Variants in STK38L observed in about 807,000 individuals in gnomAD.
STK38L encodes the protein serine/threonine-protein kinase 38-like.
Under a neutral mutation model 59.7 loss-of-function variants are expected in STK38L, and 28 were observed. The observed-to-expected ratio is 0.47, with a 90% confidence interval of 0.35 to 0.64. The LOEUF is 0.64. Among genes scored for constraint, STK38L ranks in the 30% least tolerant of loss-of-function variants. STK38L has a pLI of 0.01. For synonymous variants in STK38L, 162 were observed against 176.8 expected (o/e 0.92, Z 0.66); for missense variants, 314 against 555.8 (o/e 0.56, Z 4.37).
intron 1 of STK38L, among the ~76,000 whole-genome samples, chr12:27,263,032 C>G (rs1943234311): frequency 6.6e-6 from 1 of 151,958 alleles, no homozygotes; most frequent in African/African-American, 2.4e-5. Context: ...CTCAGGTGAC[C>G]CACCCACCTG....
Position 27,266,453 on chromosome 12 carries a change from A to T in STK38L, c.-12+22121A>T, listed in dbSNP as rs535005118. 2.6e-5 allele frequency among the ~76,000 whole-genome samples: 4 copies of T among 152,232 alleles called. No individual in the cohort carries two copies. The East Asian group carries it at 7.7e-4, about 29-fold the overall frequency. ...GAACTTTACTTAAGTAACATCTAAG[A>T]CCCTCTCCCTGTCAGTCCGCCATTA... On this transcript the variant is annotated intron_variant, in intron 1 of 13. Coordinates refer to ENST00000389032, the MANE Select transcript of STK38L (RefSeq NM_015000.4).
In STK38L at chr12:27,322,144, G is replaced by A. The variant is rs1235703958; in HGVS notation, c.1177G>A (p.Glu393Lys). The change falls in exon 13 of 14, where the codon GAA (glutamate) becomes AAA (lysine). Residue 393 changes from glutamate (E) to lysine (K), a missense_variant and splice_region_variant. This residue lies in a region of STK38L where 94 missense variants were observed against 142.2 expected (regional missense o/e 0.66). Coordinates refer to ENST00000389032, the MANE Select transcript of STK38L (RefSeq NM_015000.4). ...TGCATACTTAATACCTTTTTATAGG[G>A]AAAGGCCAGCAGCAATCCCTATAGA... is the stretch of plus-strand genomic sequence containing the variant. ...FEGVDWEHIR[E>K]RPAAIPIEIK... 6.2e-7 allele frequency: 1 copy of A among 1,611,678 alleles called. No individual in the cohort carries two copies. Among genetic ancestry groups the A allele is most frequent in the Admixed American group, 1.7e-5 (1 of 59,648 alleles).
chr12:27,250,860 G>C (rs190860887), intron 1 of STK38L, among the ~76,000 whole-genome samples: 1 of 151,936 alleles, frequency 6.6e-6, no homozygotes, highest in Non-Finnish European at 1.5e-5. Context: ...ATAGCCGGGC[G>C]TGGTGGCGGG....
intron 1 of STK38L, among the ~76,000 whole-genome samples, chr12:27,273,767 A>G (rs900248458): frequency 6.6e-6 from 1 of 152,244 alleles, no homozygotes; most frequent in Non-Finnish European, 1.5e-5. Context: ...ATTTCAGAAT[A>G]ATAGTCATTA....
At chr12:27,291,614 C>T (rs1399189617) in intron 1 of STK38L, among the ~76,000 whole-genome samples, 1 of 152,176 alleles carries the variant, frequency 6.6e-6, no homozygotes, top group Admixed American at 6.5e-5. Flanking sequence ...GGATTTGAAA[C>T]TTCACCTATG....
intron 7 of STK38L, among the ~76,000 whole-genome samples, 163 bp from the exon 8 acceptor site, chr12:27,314,852 C>T (rs756222280): frequency 3.9e-5 from 6 of 152,140 alleles, no homozygotes; most frequent in Non-Finnish European, 7.4e-5. Context: ...CCTCCATTTT[C>T]TACTTTTAAA....
chr12:27,275,115 C>T (rs1943505220), intron 1 of STK38L, among the ~76,000 whole-genome samples: 1 of 152,096 alleles, frequency 6.6e-6, no homozygotes, highest in Non-Finnish European at 1.5e-5. Context: ...ATCCAAATTC[C>T]ATGGCATCAC....
chr12:27,287,273 T>C (rs2136630943), intron 1 of STK38L, among the ~76,000 whole-genome samples: 1 of 151,682 alleles, frequency 6.6e-6, no homozygotes, highest in South Asian at 2.1e-4. Context: ...CCTGGCTAAT[T>C]TTTTTTGTAT....
intron 1 of STK38L, among the ~76,000 whole-genome samples, chr12:27,268,754 A>G (rs528968772): frequency 0.029 from 4,391 of 152,188 alleles, 104 homozygotes; most frequent in Non-Finnish European, 0.046. Context: ...AAGTGTTCCT[A>G]TTTCTCAACA....
chr12:27,309,062 T>C, intron 4 of STK38L, 52 bp from the exon 5 acceptor site: 1 of 1,339,804 alleles, frequency 7.5e-7, no homozygotes, highest in Non-Finnish European at 9.7e-7. Context: ...TACTTTTCTT[T>C]CCTGAACAAA....
At chr12:27,296,155 A>G (rs1379217130) in intron 1 of STK38L, among the ~76,000 whole-genome samples, 1 of 152,200 alleles carries the variant, frequency 6.6e-6, no homozygotes, top group Non-Finnish European at 1.5e-5. Flanking sequence ...TCAGGAGAAA[A>G]AAAGGGGGAA....
chr12:27,248,770 A>T (rs527690643), intron 1 of STK38L, among the ~76,000 whole-genome samples: 1 of 152,394 alleles, frequency 6.6e-6, no homozygotes, highest in African/African-American at 2.4e-5. Context: ...CCTAATGGGA[A>T]GAGTAGCAGA....
chr12:27,319,409 C>T lies in STK38L; in HGVS notation c.1161C>T (p.Asp387=). ...IKGHPFFEGV[D]WEHIRERPAA... is the part of the protein sequence containing the mutation. ...GTCATCCCTTTTTTGAAGGTGTCGACTGGGAGCACATAAGGTATGTTCCTA... is the reference window on the plus strand; with the variant it reads ...GTCATCCCTTTTTTGAAGGTGTCGATTGGGAGCACATAAGGTATGTTCCTA... The change falls in exon 12 of 14, where the codon GAC becomes GAT. Residue 387 remains aspartate, a synonymous_variant. Transcript: ENST00000389032. 6.2e-7 allele frequency: 1 copy of T among 1,612,780 alleles called. No individual in the cohort carries two copies.
chr12:27,253,801 G>T (rs550669838), intron 1 of STK38L, among the ~76,000 whole-genome samples: 89 of 152,264 alleles, frequency 5.8e-4, no homozygotes, highest in African/African-American at 2.1e-3. Flanking sequence ...CATATTAGGG[G>T]GCCACAGGAA....
intron 1 of STK38L, among the ~76,000 whole-genome samples, chr12:27,249,579 C>A (rs543080407): frequency 6.6e-6 from 1 of 152,252 alleles, no homozygotes; most frequent in East Asian, 1.9e-4. Context: ...CTCAGGTGAT[C>A]CGCCCGCCTC....
At chr12:27,312,808 A>G (rs1944487038) in intron 6 of STK38L, 136 bp downstream of exon 6, 1 of 1,038,462 alleles carries the variant, frequency 9.6e-7, no homozygotes, top group Admixed American at 2.8e-5. Context: ...AATATTTACT[A>G]CCATATTGAT....
intron 1 of STK38L, among the ~76,000 whole-genome samples, chr12:27,250,818 GCC>G (rs1942956271): frequency 1.3e-5 from 2 of 151,824 alleles, no homozygotes; most frequent in Admixed American, 1.3e-4. Flanking sequence ...GGCTAACATG[GCC>G]AAACCTCGTC....
chr12:27,291,802 T>C (rs1028590139), intron 1 of STK38L, among the ~76,000 whole-genome samples: 2 of 152,202 alleles, frequency 1.3e-5, no homozygotes, highest in African/African-American at 4.8e-5. Context: ...TATAGTAGCA[T>C]TAAGGACACT....
chr12:27,245,976 T>TA (rs1942842419), intron 1 of STK38L, among the ~76,000 whole-genome samples: 1 of 152,166 alleles, frequency 6.6e-6, no homozygotes, highest in Admixed American at 6.5e-5. Flanking sequence ...ATGAAAAAAT[T>TA]AGACTTAGAA....
Sources: gnomAD v4.1 joint callset for allele counts (sites outside exome capture counted in the v4.1 genomes callset) on GRCh38, gnomAD v4.1.1 for gene constraint, gnomAD v4.1.1 regional missense constraint, MANE v1.5 for transcripts, NCBI Gene and HGNC (gene_info 2026-07-23, HGNC 2026-07-21) for gene names.